OXR1: variants seen among roughly 807,000 people sequenced by gnomAD.
OXR1 encodes the protein oxidation resistance protein 1.
A neutral mutation model predicts 104.6 loss-of-function variants in OXR1; 41 were observed. That is an observed-to-expected ratio of 0.39 (90% CI 0.31 to 0.51). The LOEUF (loss-of-function observed/expected upper bound fraction) is 0.51, where lower values mean the gene tolerates loss of function less well. Ranked by LOEUF, OXR1 falls within the 20% of genes least tolerant of loss-of-function variation. OXR1 has a pLI of 0.77. For synonymous variants in OXR1, 348 were observed against 348.4 expected (o/e 1.00, Z 0.01); for missense variants, 955 against 1,031.9 (o/e 0.93, Z 1.02).
At chr8:106,357,760 T>C (rs1453192624) in intron 1 of OXR1, among the ~76,000 whole-genome samples, 1 of 152,178 alleles carries the variant, frequency 6.6e-6, no homozygotes, top group Non-Finnish European at 1.5e-5. Flanking sequence ...TTTAAAATTA[T>C]AAATATAAAA....
chr8:106,305,894 A>G (rs1330422237), intron 1 of OXR1, among the ~76,000 whole-genome samples: 1 of 152,174 alleles, frequency 6.6e-6, no homozygotes, highest in Non-Finnish European at 1.5e-5. Flanking sequence ...ATACTAGAGA[A>G]AAAACTGAGG....
At chr8:106,563,455 A>G (rs1231509856) in intron 3 of OXR1, among the ~76,000 whole-genome samples, 3 of 152,206 alleles carry the variant, frequency 2.0e-5, no homozygotes, top group Non-Finnish European at 1.5e-5. Flanking sequence ...TTAAATATAT[A>G]TGCACCCAAT....
At chr8:106,627,553 A>G (rs1188940209) in intron 3 of OXR1, among the ~76,000 whole-genome samples, 2 of 134,868 alleles carry the variant, frequency 1.5e-5, no homozygotes, top group African/African-American at 5.0e-5. Flanking sequence ...TGGCTTAATG[A>G]TGATGACATC....
At chr8:106,527,504 T>C (rs1285743728) in intron 3 of OXR1, among the ~76,000 whole-genome samples, 1 of 152,200 alleles carries the variant, frequency 6.6e-6, no homozygotes, top group East Asian at 1.9e-4. Flanking sequence ...AAACTCTTTG[T>C]GGTTTCTCGA....
chr8:106,341,648 T>C (rs959539694), intron 1 of OXR1, among the ~76,000 whole-genome samples: 4 of 152,126 alleles, frequency 2.6e-5, no homozygotes, highest in Non-Finnish European at 4.4e-5. Flanking sequence ...AAAGCTCTAT[T>C]CTTCTATCCA....
At chr8:106,643,372 G>A (rs550151548) in intron 3 of OXR1, among the ~76,000 whole-genome samples, 10 of 152,124 alleles carry the variant, frequency 6.6e-5, no homozygotes, top group Non-Finnish European at 1.5e-4. Flanking sequence ...TGGTTCATGG[G>A]CCATAGTTTG....
intron 7 of OXR1, among the ~76,000 whole-genome samples, chr8:106,694,282 T>A (rs1232279924): frequency 6.6e-6 from 1 of 151,182 alleles, no homozygotes; most frequent in Non-Finnish European, 1.5e-5. Flanking sequence ...GTCCTGTATT[T>A]CTGATTTTCT....
intron 2 of OXR1, among the ~76,000 whole-genome samples, chr8:106,515,185 T>A (rs968417998): frequency 9.9e-5 from 15 of 152,108 alleles, no homozygotes; most frequent in African/African-American, 3.4e-4. Context: ...TATCTTCTTT[T>A]TTATTAGTTG....
In OXR1 at chr8:106,421,522, C is replaced by T. The variant is rs554202237; in HGVS notation, c.23+61886C>T. On this transcript the variant is annotated intron_variant, in intron 2 of 16. Transcript: ENST00000517566. ...GTCTTGGCTGGGTTCTCTCACATGG[C>T]TAGCTGTGGACTGGTCACATGGTTC... is the stretch of plus-strand genomic sequence containing the variant. Among the ~76,000 whole-genome samples the T allele has an allele frequency of 3.3e-5, 5 of 152,244 alleles. No individual in the cohort carries two copies. In the East Asian group the frequency reaches 5.8e-4, roughly 18 times the overall value.
chr8:106,736,565 C>A (rs2131551838), intron 11 of OXR1, among the ~76,000 whole-genome samples: 1 of 152,270 alleles, frequency 6.6e-6, no homozygotes, highest in South Asian at 2.1e-4. Flanking sequence ...ATTTATCACA[C>A]CATTAGCGTT....
chr8:106,737,496 T>A, intron 11 of OXR1, 24 bp from the exon 12 acceptor site: 1 of 763,532 alleles, frequency 1.3e-6, no homozygotes, highest in East Asian at 3.2e-5. Flanking sequence ...AGTGGAATTA[T>A]TGTCTTCCTG....
At chr8:106,626,817 A>C (rs1822208558) in intron 3 of OXR1, among the ~76,000 whole-genome samples, 1 of 150,778 alleles carries the variant, frequency 6.6e-6, no homozygotes, top group Non-Finnish European at 1.5e-5. Context: ...AAATATTTCA[A>C]ATTAATTTTT....
At chr8:106,339,388 G>A (rs1312500878) in intron 1 of OXR1, among the ~76,000 whole-genome samples, 2 of 149,634 alleles carry the variant, frequency 1.3e-5, no homozygotes, top group Non-Finnish European at 1.5e-5. Flanking sequence ...CCAGCTACTG[G>A]GGAGGCTGAG....
At chr8:106,448,685 C>A (rs866647419) in intron 2 of OXR1, among the ~76,000 whole-genome samples, 3 of 151,976 alleles carry the variant, frequency 2.0e-5, no homozygotes, top group Non-Finnish European at 2.9e-5. Flanking sequence ...CAGTTGTTAC[C>A]GGCATAGACC....
intron 2 of OXR1, among the ~76,000 whole-genome samples, chr8:106,367,425 T>A (rs1816520785): frequency 6.6e-6 from 1 of 152,160 alleles, no homozygotes; most frequent in Non-Finnish European, 1.5e-5. Context: ...AAAGTTAGTT[T>A]ATGAATGAAT....
Position 106,308,987 on chromosome 8 carries a change from G to T in OXR1, c.-139+38620G>T, listed in dbSNP as rs75370351. On this transcript the variant is annotated intron_variant, in intron 1 of 16. Coordinates refer to ENST00000517566, the MANE Select transcript of OXR1 (RefSeq NM_001198533.2). Reference sequence around the variant, plus strand: ...TAAGTTAAATTTTAATTTTTTTTTTGTTTTTTTTTGAGACAGGGTCTTGCT... The same window carrying T: ...TAAGTTAAATTTTAATTTTTTTTTTTTTTTTTTTTGAGACAGGGTCTTGCT... Among the ~76,000 whole-genome samples, 1,096 of 140,842 alleles carry T rather than the reference G, an allele frequency of 7.8e-3. 11 individuals carry two copies. Among genetic ancestry groups the T allele is most frequent in the African/African-American group, 0.027 (1,052 of 39,344 alleles). The allele number at this position is 140,842 out of a possible 152,430, so 92.4% of individuals were successfully genotyped here. A position where few individuals can be genotyped will look rare whatever the true frequency, so the allele number is the denominator to read the frequency against.
intron 2 of OXR1, among the ~76,000 whole-genome samples, chr8:106,406,423 C>T (rs1818236985): frequency 6.6e-6 from 1 of 152,130 alleles, no homozygotes; most frequent in African/African-American, 2.4e-5. Flanking sequence ...ACACTTATAG[C>T]AGCTTTCTTC....
intron 2 of OXR1, among the ~76,000 whole-genome samples, chr8:106,427,972 G>A (rs936368733): frequency 6.6e-6 from 1 of 152,082 alleles, no homozygotes; most frequent in Non-Finnish European, 1.5e-5. Context: ...TATGATAATG[G>A]AAATATTCTA....
At chr8:106,664,136 G>T (rs1026158818) in intron 3 of OXR1, among the ~76,000 whole-genome samples, 1 of 152,202 alleles carries the variant, frequency 6.6e-6, no homozygotes, top group Non-Finnish European at 1.5e-5. Context: ...ATTTAGTTCA[G>T]TGGTTCTCAG....
Sources: gnomAD v4.1 joint callset for allele counts (sites outside exome capture counted in the v4.1 genomes callset) on GRCh38, gnomAD v4.1.1 for gene constraint, MANE v1.5 for transcripts, NCBI Gene and HGNC (gene_info 2026-07-23, HGNC 2026-07-21) for gene names.